RAB30: variants seen among roughly 807,000 people sequenced by gnomAD.
RAB30 encodes RAB30, member RAS oncogene family, also known as ras-related protein Rab-30.
A neutral mutation model predicts 25.1 loss-of-function variants in RAB30; 9 were observed. The observed-to-expected ratio is 0.36, with a 90% confidence interval of 0.22 to 0.63. RAB30 has a LOEUF of 0.63. RAB30 is among the 20% of genes least tolerant of loss of function. The pLI, the probability that RAB30 is intolerant of heterozygous loss-of-function variation, is 0.69. For synonymous variants in RAB30, 77 were observed against 86.4 expected (o/e 0.89, Z 0.60); for missense variants, 140 against 243.5 (o/e 0.58, Z 2.83).
At chr11:83,000,425 C>T (rs1180812998) in intron 1 of RAB30, among the ~76,000 whole-genome samples, 1 of 152,148 alleles carries the variant, frequency 6.6e-6, no homozygotes, top group Admixed American at 6.5e-5. Context: ...CACTCAGGGA[C>T]ATGATATATA....
intron 1 of RAB30, among the ~76,000 whole-genome samples, chr11:83,014,635 A>AG (rs1857379030): frequency 1.1e-4 from 1 of 8,712 alleles, no homozygotes; most frequent in South Asian, 3.0e-3. Context: ...GAAGTAAGAA[A>AG]AAGAAAGAAA....
At position 82,981,119 on chromosome 11, in the gene RAB30, G is replaced by A. The variant is rs1226835760; in HGVS notation, c.*1046C>T. ...GGTCTGTCCAAGATGGAGAGTACCA[G>A]GAAGTAAAAGATGTGACCTACTATC... On this transcript the variant is annotated 3_prime_UTR_variant, in exon 5 of 5. Coordinates refer to ENST00000527633, the MANE Select transcript of RAB30 (RefSeq NM_001286060.2). 1 of 152,148 alleles carries A rather than the reference G, an allele frequency of 6.6e-6. No homozygotes were observed. Among genetic ancestry groups the A allele is most frequent in the Non-Finnish European group, 1.5e-5 (1 of 68,026 alleles). 9.4% of individuals were successfully genotyped at this position (152,148 alleles called of 1,614,324 possible).
chr11:83,049,135 G>C (rs1858297112), intron 1 of RAB30, among the ~76,000 whole-genome samples: 1 of 152,132 alleles, frequency 6.6e-6, no homozygotes, highest in Admixed American at 6.5e-5. Flanking sequence ...AAAGATGCTG[G>C]GTGTGGTGGC....
chr11:83,063,791 T>C (rs1173864576), intron 1 of RAB30, among the ~76,000 whole-genome samples: 1 of 152,188 alleles, frequency 6.6e-6, no homozygotes, highest in African/African-American at 2.4e-5. Context: ...CCCTGAAAGA[T>C]ATCTTACAGA....
rs546822567 is a variant in RAB30, at chr11:82,973,715, C to T, written c.*8450G>A. On this transcript the variant is annotated 3_prime_UTR_variant, in exon 5 of 5. Coordinates refer to ENST00000527633, the MANE Select transcript of RAB30 (RefSeq NM_001286060.2). Reference sequence around the variant, plus strand: ...CCAAACAGGATTGCAAGAGGTTCTACGTAAATAAACATAAATGATTTGATT... The same window carrying T: ...CCAAACAGGATTGCAAGAGGTTCTATGTAAATAAACATAAATGATTTGATT... The T allele has an allele frequency of 4.6e-5, 7 of 152,204 alleles. No individual in the cohort carries two copies. In the East Asian group the frequency reaches 7.7e-4, roughly 17 times the overall value. The allele number at this position is 152,204 out of a possible 1,614,324, so 9.4% of individuals were successfully genotyped here.
chr11:82,987,798 TGAA>T (rs777779918), intron 3 of RAB30, 28 bp from the exon 4 acceptor site: 1 of 1,482,418 alleles, frequency 6.7e-7, no homozygotes, highest in African/African-American at 1.4e-5. Flanking sequence ...AAGAATCAGG[TGAA>T]GAAGGATCAG....
intron 1 of RAB30, among the ~76,000 whole-genome samples, chr11:83,026,838 A>G (rs552426394): frequency 6.6e-6 from 1 of 152,344 alleles, no homozygotes; most frequent in East Asian, 1.9e-4. Context: ...ATAAGTACAG[A>G]GAAGATAAGA....
intron 4 of RAB30, 95 bp downstream of exon 4, chr11:82,987,492 T>A (rs1408532247): frequency 1.6e-6 from 2 of 1,246,704 alleles, no homozygotes; most frequent in Non-Finnish European, 1.1e-6. Flanking sequence ...AGCTAAAGAC[T>A]ATATTCTTGG....
At chr11:83,018,798 T>C (rs1413324306) in intron 1 of RAB30, among the ~76,000 whole-genome samples, 1 of 152,214 alleles carries the variant, frequency 6.6e-6, no homozygotes, top group East Asian at 1.9e-4. Context: ...TTACTGATGA[T>C]ATTGTCTAGA....
rs1409436791 is a variant in RAB30, at chr11:82,979,277, A to G, written c.*2888T>C. The G allele has an allele frequency of 6.6e-6, 1 of 152,228 alleles. No homozygotes were observed. Among genetic ancestry groups the G allele is most frequent in the Non-Finnish European group, 1.5e-5 (1 of 68,042 alleles). The allele number at this position is 152,228 out of a possible 1,614,324, so 9.4% of individuals were successfully genotyped here. Reference sequence around the variant, plus strand: ...TGGAAACTGAAAAAAGTTTTGCCATATATTTAATAACTTTATTGAATGAAG... The same window carrying G: ...TGGAAACTGAAAAAAGTTTTGCCATGTATTTAATAACTTTATTGAATGAAG... On this transcript the variant is annotated 3_prime_UTR_variant, in exon 5 of 5. Transcript: ENST00000527633.
intron 1 of RAB30, among the ~76,000 whole-genome samples, chr11:83,033,051 A>C (rs1054819154): frequency 2.0e-5 from 3 of 148,370 alleles, no homozygotes; most frequent in African/African-American, 7.4e-5. Flanking sequence ...GTTTGCCTCA[A>C]ATTCTTTTTT....
chr11:83,006,639 A>C (rs1244426067), intron 1 of RAB30, among the ~76,000 whole-genome samples: 1 of 152,204 alleles, frequency 6.6e-6, no homozygotes, highest in East Asian at 1.9e-4. Flanking sequence ...GTGCTTCAAA[A>C]GCAAGACAGT....
At chr11:83,039,178 T>C (rs1858050698) in intron 1 of RAB30, 2 of 152,222 alleles carry the variant, frequency 1.3e-5, no homozygotes, top group Admixed American at 6.5e-5. Context: ...TTAGTAAATA[T>C]TTATTGAATA....
rs1377306072 is a variant in RAB30, at chr11:82,976,559, T to C, written c.*5606A>G. 6.6e-6 allele frequency: 1 copy of C among 152,186 alleles called. No individual in the cohort carries two copies. The highest frequency in any genetic ancestry group is 2.4e-5 in the African/African-American group (1 of 41,436). 9.4% of individuals were successfully genotyped at this position (152,186 alleles called of 1,614,324 possible). A position where few individuals can be genotyped will look rare whatever the true frequency, so the allele number is the denominator to read the frequency against. ...AACACAGCATCTCCAAAAATTCTGC[T>C]TTAAATCAATGGAAAAGTAAAATTT... On this transcript the variant is annotated 3_prime_UTR_variant, in exon 5 of 5. Transcript: ENST00000527633.
chr11:83,011,949 A>G (rs1035811530), intron 1 of RAB30, among the ~76,000 whole-genome samples: 2 of 152,176 alleles, frequency 1.3e-5, no homozygotes, highest in African/African-American at 4.8e-5. Flanking sequence ...GCAGGGAAAA[A>G]CACTATCTAA....
At chr11:83,027,140 T>TAA (rs2121513240) in intron 1 of RAB30, among the ~76,000 whole-genome samples, 1 of 152,262 alleles carries the variant, frequency 6.6e-6, no homozygotes, top group African/African-American at 2.4e-5. Context: ...TTGCTTGAAA[T>TAA]AATCTGAGGA....
intron 1 of RAB30, among the ~76,000 whole-genome samples, chr11:83,003,212 G>T (rs1290521497): frequency 1.3e-5 from 2 of 152,160 alleles, no homozygotes; most frequent in Non-Finnish European, 2.9e-5. Context: ...AGTTACGTGA[G>T]AGGCAAATAA....
At chr11:83,067,322 T>A (rs1018083533) in intron 1 of RAB30, among the ~76,000 whole-genome samples, 4 of 152,100 alleles carry the variant, frequency 2.6e-5, no homozygotes, top group African/African-American at 9.7e-5. Context: ...ACTATTGGAA[T>A]AAATACATTG....
intron 1 of RAB30, among the ~76,000 whole-genome samples, chr11:83,026,326 C>T (rs1201748727): frequency 6.6e-6 from 1 of 152,186 alleles, no homozygotes; most frequent in Non-Finnish European, 1.5e-5. Context: ...ATGTAATTCT[C>T]AGTGTTGGAG....
Sources: allele counts gnomAD v4.1 joint callset (sites outside exome capture counted in the v4.1 genomes callset), GRCh38; gene constraint gnomAD v4.1.1; transcripts MANE v1.5; gene names NCBI Gene and HGNC (gene_info 2026-07-23, HGNC 2026-07-21).